The following ARSK variants were observed in gnomAD, a reference collection of about 807,000 sequenced individuals.
ARSK encodes the protein arylsulfatase K.
ARSK carries 37 observed loss-of-function variants against 53.2 expected under a neutral mutation model. That is an observed-to-expected ratio of 0.70 (90% CI 0.54 to 0.92). The LOEUF is 0.92. Ranked by LOEUF, ARSK falls within the 40% of genes least tolerant of loss-of-function variation. ARSK has a pLI of 0.00. For synonymous variants in ARSK, 208 were observed against 223.2 expected (o/e 0.93, Z 0.61); for missense variants, 613 against 643.0 (o/e 0.95, Z 0.51).
At chr5:95,572,748 G>A (rs1026137660) in intron 3 of ARSK, among the ~76,000 whole-genome samples, 2 of 152,002 alleles carry the variant, frequency 1.3e-5, no homozygotes, top group Admixed American at 6.5e-5. Context: ...ACTGCAGTCC[G>A]GCCTGGGTGA....
At chr5:95,594,755 G>A (rs1440838401) in intron 6 of ARSK, among the ~76,000 whole-genome samples, 1 of 152,066 alleles carries the variant, frequency 6.6e-6, no homozygotes, top group African/African-American at 2.4e-5. Flanking sequence ...CAGGAGAATG[G>A]CGTGAATCTG....
At chr5:95,578,274 C>T (rs1377927918) in intron 3 of ARSK, among the ~76,000 whole-genome samples, 1 of 152,014 alleles carries the variant, frequency 6.6e-6, no homozygotes, top group Non-Finnish European at 1.5e-5. Flanking sequence ...TGGTCAGCCT[C>T]CCAAGTAGCT....
chr5:95,599,034 T>C (rs1749355833), intron 6 of ARSK, among the ~76,000 whole-genome samples: 1 of 152,230 alleles, frequency 6.6e-6, no homozygotes, highest in South Asian at 2.1e-4. Context: ...TTCTTCTTCA[T>C]TGCACTTACC....
At chr5:95,597,048 A>G (rs1242328789) in intron 6 of ARSK, among the ~76,000 whole-genome samples, 1 of 152,058 alleles carries the variant, frequency 6.6e-6, no homozygotes, top group African/African-American at 2.4e-5. Context: ...AGTTGATATT[A>G]TTTCTGAGAT....
chr5:95,584,885 CTG>C (rs1322048386), intron 4 of ARSK, among the ~76,000 whole-genome samples: 2 of 152,048 alleles, frequency 1.3e-5, no homozygotes, highest in Non-Finnish European at 2.9e-5. Flanking sequence ...TGGTGTGTAC[CTG>C]TAATCCCAGC....
chr5:95,573,312 A>G (rs926195904), intron 3 of ARSK, among the ~76,000 whole-genome samples: 17 of 152,196 alleles, frequency 1.1e-4, no homozygotes, highest in African/African-American at 4.1e-4. Context: ...TTTATACGGA[A>G]AATTTTAAAA....
rs111505403 is a variant in ARSK at position 95,592,996 on chromosome 5, G to A, written c.1096+1371G>A. Among the ~76,000 whole-genome samples the A allele has an allele frequency of 4.8e-3, 725 of 151,784 alleles. 3 individuals carry two copies. Among genetic ancestry groups the A allele is most frequent in the African/African-American group, 0.016 (678 of 41,366 alleles). ...ATCACTATTACTTTTCCTCATTTCT[G>A]TGTTTTTTTTAAAGAAGTTTATATA... On this transcript the variant is annotated intron_variant, in intron 6 of 7. Transcript: ENST00000380009.
chr5:95,590,167 T>G (rs1749187761), intron 5 of ARSK, among the ~76,000 whole-genome samples: 1 of 152,196 alleles, frequency 6.6e-6, no homozygotes, highest in East Asian at 1.9e-4. Context: ...GCTAGAGAGA[T>G]AATGCATGTT....
rs531854145 is a variant in ARSK, at chr5:95,560,673, A to C, written c.126+5269A>C. ...TGGACCCTGCCTTGCACCATACACAAACACACAAAAAAAAACTTTAAGTAA... is the reference window on the plus strand; with the variant it reads ...TGGACCCTGCCTTGCACCATACACACACACACAAAAAAAAACTTTAAGTAA... On this transcript the variant is annotated intron_variant, in intron 1 of 7. Coordinates refer to ENST00000380009, the MANE Select transcript of ARSK (RefSeq NM_198150.3). Among the ~76,000 whole-genome samples, 238 of 152,268 alleles carry C rather than the reference A, an allele frequency of 1.6e-3. 3 individuals are homozygous for C. The highest frequency in any genetic ancestry group is 5.6e-3 in the African/African-American group (232 of 41,546).
chr5:95,558,579 C>T (rs918927936), intron 1 of ARSK, among the ~76,000 whole-genome samples: 3 of 152,126 alleles, frequency 2.0e-5, no homozygotes, highest in Non-Finnish European at 2.9e-5. Context: ...TACTTACATA[C>T]AACAACTGTA....
chr5:95,586,707 T>C lies in ARSK; in HGVS notation c.845T>C (p.Met282Thr). 2 of 1,609,826 alleles carry C rather than the reference T, an allele frequency of 1.2e-6. No individual in the cohort carries two copies. The highest frequency in any genetic ancestry group is 8.5e-7 in the Non-Finnish European group (1 of 1,178,344). The change falls in exon 5 of 8, where the codon ATG becomes ACG. Residue 282 changes from methionine (M) to threonine (T), a missense_variant. Met to Thr is a moderately conservative substitution (Grantham distance 81). Transcript: ENST00000380009. The stretch of plus-strand genomic sequence containing the variant: ...AATATTAGAGCATTTTATTATGCTA[T>C]GTGTGCTGAGACAGATGCCATGCTT... ...IKNIRAFYYA[M>T]CAETDAMLGE... is the part of the protein sequence containing the mutation.
intron 5 of ARSK, among the ~76,000 whole-genome samples, chr5:95,587,620 C>T (rs1749142913): frequency 1.3e-5 from 2 of 152,012 alleles, no homozygotes; most frequent in African/African-American, 4.8e-5. Flanking sequence ...ATGTATTGGC[C>T]AGGTATAAAA....
chr5:95,556,677 G>A lies in ARSK; in HGVS notation c.126+1273G>A, dbSNP rs144377189. 242 of 155,952 alleles carry A rather than the reference G, an allele frequency of 1.6e-3. 3 individuals are homozygous for A. Among genetic ancestry groups the A allele is most frequent in the African/African-American group, 5.7e-3 (236 of 41,672 alleles). 9.7% of individuals were successfully genotyped at this position (155,952 alleles called of 1,614,324 possible). Reference sequence around the variant, plus strand: ...TAGGTTTGTTATTTTTTTTAGTGTAGTATGAATGCATAGATTTTTCTATAT... The same window carrying A: ...TAGGTTTGTTATTTTTTTTAGTGTAATATGAATGCATAGATTTTTCTATAT... On this transcript the variant is annotated intron_variant, in intron 1 of 7. Transcript: ENST00000380009.
In ARSK at chr5:95,563,279, G is replaced by A. The variant is rs552066624; in HGVS notation, c.127-2719G>A. ...TTCCTAGGAACCAAATTTTGCAATT[G>A]ATATGCTTAATCCAGTTTATTAAGC... On this transcript the variant is annotated intron_variant, in intron 1 of 7. Coordinates refer to ENST00000380009, the MANE Select transcript of ARSK (RefSeq NM_198150.3). Among the ~76,000 whole-genome samples the A allele has an allele frequency of 1.2e-4, 19 of 152,246 alleles. No individual in the cohort carries two copies. In the South Asian group the frequency reaches 3.9e-3, roughly 32 times the overall value.
chr5:95,575,875 T>C (rs1748915624), intron 3 of ARSK, among the ~76,000 whole-genome samples: 1 of 152,190 alleles, frequency 6.6e-6, no homozygotes, highest in Non-Finnish European at 1.5e-5. Flanking sequence ...CGGATGCCCT[T>C]TATTTCTTTC....
intron 1 of ARSK, among the ~76,000 whole-genome samples, chr5:95,564,021 A>G (rs1431258076): frequency 7.6e-6 from 1 of 132,036 alleles, no homozygotes; most frequent in East Asian, 2.2e-4. Flanking sequence ...TCTGTCACTC[A>G]TGCTGGAGTG....
chr5:95,561,146 C>T (rs1748627933), intron 1 of ARSK, among the ~76,000 whole-genome samples: 1 of 152,132 alleles, frequency 6.6e-6, no homozygotes, highest in African/African-American at 2.4e-5. Flanking sequence ...AGAAGATACG[C>T]AGATGACAAA....
rs148652747 is a variant in ARSK, at chr5:95,580,902, C to T, written c.417-2014C>T. 7.0e-6 allele frequency: 9 copies of T among 1,287,524 alleles called. No homozygotes were observed. In the East Asian group the frequency reaches 1.7e-4, roughly 24 times the overall value. The allele number at this position is 1,287,524 out of a possible 1,614,324, so 79.8% of individuals were successfully genotyped here. A position where few individuals can be genotyped will look rare whatever the true frequency, so the allele number is the denominator to read the frequency against. On this transcript the variant is annotated intron_variant, in intron 3 of 7. Transcript: ENST00000380009. The stretch of plus-strand genomic sequence containing the variant: ...TATTTTACACTTTAGGCACAGTGAA[C>T]GTGGGTCAACTAATCAAAGAAGTGA...
intron 1 of ARSK, among the ~76,000 whole-genome samples, chr5:95,557,595 A>G (rs2112406926): frequency 6.6e-6 from 1 of 152,366 alleles, no homozygotes; most frequent in East Asian, 1.9e-4. Flanking sequence ...ATTCAACTAT[A>G]TAGTAAAAAT....
Sources: allele counts gnomAD v4.1 joint callset (sites outside exome capture counted in the v4.1 genomes callset), GRCh38; gene constraint gnomAD v4.1.1; transcripts MANE v1.5; gene names NCBI Gene and HGNC (gene_info 2026-07-23, HGNC 2026-07-21).